ENTPD7: variants seen among roughly 807,000 people sequenced by gnomAD.
ENTPD7 encodes NTPDase 7.
A neutral mutation model predicts 77.9 loss-of-function variants in ENTPD7; 53 were observed. The observed-to-expected ratio is 0.68, with a 90% confidence interval of 0.55 to 0.85. ENTPD7 has a LOEUF of 0.85. ENTPD7 is among the 40% of genes least tolerant of loss of function. ENTPD7 has a pLI of 0.00. For synonymous variants in ENTPD7, 248 were observed against 274.9 expected (o/e 0.90, Z 0.97); for missense variants, 636 against 743.7 (o/e 0.86, Z 1.68).
At position 99,706,395 on chromosome 10, in the gene ENTPD7, G is replaced by A. The variant is rs184465445; in HGVS notation, c.*1712G>A. On this transcript the variant is annotated 3_prime_UTR_variant, in exon 13 of 13. Coordinates refer to ENST00000370489, the MANE Select transcript of ENTPD7 (RefSeq NM_020354.5). The stretch of plus-strand genomic sequence containing the variant: ...GTCACCCAGGCTGGAGTGCAGTTGT[G>A]CAACATCATGGCTCACCGCAGCCTC... Among the ~76,000 whole-genome samples the A allele has an allele frequency of 2.8e-4, 42 of 151,566 alleles. No individual in the cohort carries two copies. The East Asian group carries it at 7.7e-3, about 28-fold the overall frequency.
At position 99,704,947 on chromosome 10, in the gene ENTPD7, C is replaced by T. The variant is rs763423243; in HGVS notation, c.*264C>T. On this transcript the variant is annotated 3_prime_UTR_variant, in exon 13 of 13. Transcript: ENST00000370489. Reference sequence around the variant, plus strand: ...AGCTTTGTCCAAGTGAAGCAGGCTTCGACTCCTTCTGAGAGGTCTGGTGTG... The same window carrying T: ...AGCTTTGTCCAAGTGAAGCAGGCTTTGACTCCTTCTGAGAGGTCTGGTGTG... 1.2e-4 allele frequency: 58 copies of T among 488,846 alleles called. No individual in the cohort carries two copies. The highest frequency in any genetic ancestry group is 6.6e-4 in the Admixed American group (20 of 30,428). 30.3% of individuals were successfully genotyped at this position (488,846 alleles called of 1,614,324 possible).
Position 99,709,184 on chromosome 10 carries a change from T to C in ENTPD7, c.*4501T>C. 1.0e-6 allele frequency: 1 copy of C among 985,428 alleles called. No individual in the cohort carries two copies. The highest frequency in any genetic ancestry group is 1.2e-6 in the Non-Finnish European group (1 of 829,898). The allele number at this position is 985,428 out of a possible 1,614,324, so 61.0% of individuals were successfully genotyped here. A position where few individuals can be genotyped will look rare whatever the true frequency, so the allele number is the denominator to read the frequency against. ...TGAAGGTATAAATGCCTATTACATC[T>C]ACCTCATTAAAGAACTTCGTTGTAA... On this transcript the variant is annotated 3_prime_UTR_variant, in exon 13 of 13. Coordinates refer to ENST00000370489, the MANE Select transcript of ENTPD7 (RefSeq NM_020354.5).
intron 5 of ENTPD7, among the ~76,000 whole-genome samples, chr10:99,685,431 T>C (rs759105395): frequency 2.6e-5 from 4 of 152,204 alleles, no homozygotes; most frequent in Non-Finnish European, 4.4e-5. Context: ...ATAATGTAAT[T>C]ACATCAATTT....
At chr10:99,680,549 G>C (rs1351841546) in intron 5 of ENTPD7, among the ~76,000 whole-genome samples, 2 of 151,856 alleles carry the variant, frequency 1.3e-5, no homozygotes, top group African/African-American at 4.8e-5. Context: ...TTATTTTATT[G>C]TGGTAAGCAT....
At position 99,709,131 on chromosome 10, in the gene ENTPD7, G is replaced by A; in HGVS notation, c.*4448G>A. The A allele has an allele frequency of 2.0e-6, 2 of 983,210 alleles. No individual in the cohort carries two copies. Among genetic ancestry groups the A allele is most frequent in the Non-Finnish European group, 2.4e-6 (2 of 828,108 alleles). The allele number at this position is 983,210 out of a possible 1,614,324, so 60.9% of individuals were successfully genotyped here. ...CAATTTCCTTTACTACAACATCCAAGCAATTCATTAGATGACTACAGCCTA... is the reference window on the plus strand; with the variant it reads ...CAATTTCCTTTACTACAACATCCAAACAATTCATTAGATGACTACAGCCTA... On this transcript the variant is annotated 3_prime_UTR_variant, in exon 13 of 13. Transcript: ENST00000370489.
chr10:99,668,620 A>G (rs1271397964), intron 3 of ENTPD7, among the ~76,000 whole-genome samples: 2 of 152,352 alleles, frequency 1.3e-5, no homozygotes, highest in African/African-American at 4.8e-5. Context: ...ATGTCAATCT[A>G]TTATTTGAAA....
Position 99,659,680 on chromosome 10 carries a change from A to G in ENTPD7, c.-96+92A>G. On this transcript the variant is annotated intron_variant, in intron 1 of 12. Transcript: ENST00000370489. The surrounding 1 kb of genome is among the most constrained non-coding windows in gnomAD (Gnocchi z 4.1). Reference sequence around the variant, plus strand: ...CGCCACCTGGGGACGACCGGTTCCTAGAGGACAGAGCTGGCCCACGAGAAC... The same window carrying G: ...CGCCACCTGGGGACGACCGGTTCCTGGAGGACAGAGCTGGCCCACGAGAAC... 2.8e-6 allele frequency: 1 copy of G among 360,998 alleles called. No homozygotes were observed. Among genetic ancestry groups the G allele is most frequent in the Non-Finnish European group, 5.1e-6 (1 of 196,684 alleles). The allele number at this position is 360,998 out of a possible 1,614,324, so 22.4% of individuals were successfully genotyped here. A position where few individuals can be genotyped will look rare whatever the true frequency, so the allele number is the denominator to read the frequency against.
chr10:99,704,391 A>G (rs2036205377), intron 12 of ENTPD7, 61 bp from the exon 13 acceptor site: 1 of 1,546,344 alleles, frequency 6.5e-7, no homozygotes. Context: ...TCAAATCAGT[A>G]AATGTCTCCC....
chr10:99,661,460 A>C lies in ENTPD7; in HGVS notation c.23A>C (p.Tyr8Ser), dbSNP rs201964022. The C allele has an allele frequency of 1.4e-4, 216 of 1,595,726 alleles. 2 individuals are homozygous for C. The highest frequency in any genetic ancestry group is 1.0e-3 in the Middle Eastern group (6 of 5,992). The change falls in exon 3 of 13, where the codon TAC becomes TCC. Residue 8 changes from tyrosine (Y) to serine (S), a missense_variant. This residue lies in a region of ENTPD7 where 486 missense variants were observed against 556.5 expected (regional missense o/e 0.87). Transcript: ENST00000370489. MARISFS[Y>S]LCPASWYFTV... ...TCTAATTTCAGGATCAGTTTTTCCT[A>C]CCTCTGCCCAGCCTCCTGGTACTTC...
At chr10:99,680,588 T>A (rs771115067) in intron 5 of ENTPD7, among the ~76,000 whole-genome samples, 22 of 152,008 alleles carry the variant, frequency 1.4e-4, no homozygotes, top group Non-Finnish European at 3.1e-4. Context: ...TCTAACCAGA[T>A]TTTTTTCTTT....
intron 10 of ENTPD7, among the ~76,000 whole-genome samples, chr10:99,700,254 CT>C (rs1211548979): frequency 1.3e-5 from 2 of 152,004 alleles, no homozygotes; most frequent in Non-Finnish European, 2.9e-5. Context: ...TTTCCCTTAC[CT>C]TTTTAACTTT....
chr10:99,679,989 C>A, intron 5 of ENTPD7, 114 bp downstream of exon 5: 1 of 1,227,968 alleles, frequency 8.1e-7, no homozygotes, highest in Non-Finnish European at 1.1e-6. Flanking sequence ...CCAATTATGA[C>A]ACAATCATTC....
chr10:99,691,519 G>T lies in ENTPD7; in HGVS notation c.843+1G>T. On this transcript the variant is annotated splice_donor_variant, in intron 8 of 12. Coordinates refer to ENST00000370489, the MANE Select transcript of ENTPD7 (RefSeq NM_020354.5). LOFTEE classifies it high-confidence loss of function. ...AACCTCTGTCCTTCCTGCAAAGCAG[G>T]TACTTTACCTTTTAGGGAAATTTAG... The T allele has an allele frequency of 1.2e-6, 2 of 1,612,658 alleles. No individual in the cohort carries two copies. The highest frequency in any genetic ancestry group is 1.7e-6 in the Non-Finnish European group (2 of 1,179,594).
chr10:99,671,815 G>T (rs1448841433), intron 3 of ENTPD7, among the ~76,000 whole-genome samples: 1 of 152,168 alleles, frequency 6.6e-6, no homozygotes, highest in Non-Finnish European at 1.5e-5. Flanking sequence ...ATTGAAAGGT[G>T]GTGCCTTCAT....
In ENTPD7 at chr10:99,709,022, C is replaced by T. The variant is rs764641759; in HGVS notation, c.*4339C>T. On this transcript the variant is annotated 3_prime_UTR_variant, in exon 13 of 13. Transcript: ENST00000370489. ...AAAAAATACTTTGTCAGAAATAGTGCCAAGTTTTCACTACATCTATTCTTG... is the reference window on the plus strand; with the variant it reads ...AAAAAATACTTTGTCAGAAATAGTGTCAAGTTTTCACTACATCTATTCTTG... 763 of 984,558 alleles carry T rather than the reference C, an allele frequency of 7.7e-4. No individual in the cohort carries two copies. The highest frequency in any genetic ancestry group is 8.9e-4 in the Non-Finnish European group (739 of 829,274). The allele number at this position is 984,558 out of a possible 1,614,324, so 61.0% of individuals were successfully genotyped here.
In ENTPD7 at chr10:99,704,551, G is replaced by A. The variant is rs545484784; in HGVS notation, c.1683G>A (p.Val561=). Residue 561 remains valine, a synonymous_variant, in exon 13 of 13, where the codon GTG becomes GTA. Coordinates refer to ENST00000370489, the MANE Select transcript of ENTPD7 (RefSeq NM_020354.5). Reference sequence around the variant, plus strand: ...TCTTCTTTGCCTGTATCCTGGTGGTGCTACTGGCCATCTTCCTATACCTTC... The same window carrying A: ...TCTTCTTTGCCTGTATCCTGGTGGTACTACTGGCCATCTTCCTATACCTTC... The part of the protein sequence containing the change: ...HYLFFACILV[V]LLAIFLYLLR... 8.7e-6 allele frequency: 14 copies of A among 1,614,154 alleles called. No individual in the cohort carries two copies. The highest frequency in any genetic ancestry group is 6.7e-5 in the Admixed American group (4 of 60,024).
At chr10:99,667,688 C>T (rs1176897899) in intron 3 of ENTPD7, among the ~76,000 whole-genome samples, 2 of 152,252 alleles carry the variant, frequency 1.3e-5, no homozygotes, top group South Asian at 2.1e-4. Context: ...TCTCAGAACA[C>T]AGTAGATAAC....
At chr10:99,669,474 T>G (rs2035591251) in intron 3 of ENTPD7, among the ~76,000 whole-genome samples, 1 of 152,108 alleles carries the variant, frequency 6.6e-6, no homozygotes, top group East Asian at 1.9e-4. Context: ...ATTGTGAACA[T>G]GTATCCATAT....
chr10:99,709,272 A>C lies in ENTPD7; in HGVS notation c.*4589A>C, dbSNP rs1168857057. 1.9e-5 allele frequency: 19 copies of C among 985,216 alleles called. No individual in the cohort carries two copies. The highest frequency in any genetic ancestry group is 2.3e-5 in the Non-Finnish European group (19 of 829,908). The allele number at this position is 985,216 out of a possible 1,614,324, so 61.0% of individuals were successfully genotyped here. ...GGGCTGTTTCTTTTTGTTGTCTTTAAACTTTTCAAATTAATTCAAAACTAG... is the reference window on the plus strand; with the variant it reads ...GGGCTGTTTCTTTTTGTTGTCTTTACACTTTTCAAATTAATTCAAAACTAG... On this transcript the variant is annotated 3_prime_UTR_variant, in exon 13 of 13. Transcript: ENST00000370489.
Sources: allele counts gnomAD v4.1 joint callset (sites outside exome capture counted in the v4.1 genomes callset), GRCh38; gene constraint gnomAD v4.1.1; regional missense constraint gnomAD v4.1.1; non-coding constraint Gnocchi (gnomAD v3.1); transcripts MANE v1.5; gene names NCBI Gene and HGNC (gene_info 2026-07-23, HGNC 2026-07-21).